Variants in KIF16B observed in about 807,000 individuals in gnomAD.
The protein encoded by KIF16B is kinesin family member 16B, also known as kinesin-like protein KIF16B.
Under a neutral mutation model 156.3 loss-of-function variants are expected in KIF16B, and 98 were observed. The observed-to-expected ratio is 0.63, with a 90% CI of 0.53 to 0.74. The LOEUF (loss-of-function observed/expected upper bound fraction) is 0.74, where lower values mean the gene tolerates loss of function less well. KIF16B is among the 30% of genes least tolerant of loss of function. KIF16B has a pLI of 0.00. For synonymous variants in KIF16B, 564 were observed against 583.7 expected (o/e 0.97, Z 0.49); for missense variants, 1,421 against 1,606.5 (o/e 0.88, Z 1.97).
At chr20:16,380,298 CT>C in intron 18 of KIF16B, 135 bp from the exon 19 acceptor site, 1 of 755,644 alleles carries the variant, frequency 1.3e-6, no homozygotes, top group Non-Finnish European at 1.9e-6. Context: ...AGAGTAACTG[CT>C]TTCCTTTAAA....
In KIF16B at chr20:16,379,675, A is replaced by C; in HGVS notation, c.2327T>G (p.Ile776Ser). ...EEQLREKQEM[I>S]QLLRRGEVQW... Reference sequence around the variant, plus strand: ...TACCTCCCCACGCCGCAGGAGCTGGATCATCTCCTGCTTCTCTCGGAGCTG... The same window carrying C: ...TACCTCCCCACGCCGCAGGAGCTGGCTCATCTCCTGCTTCTCTCGGAGCTG... The change falls in exon 19 of 26, where the codon ATC becomes AGC. Residue 776 changes from isoleucine (I) to serine (S), a missense_variant. By Grantham distance (142) the Ile-to-Ser change is moderately radical. Transcript: ENST00000354981. 6.2e-7 allele frequency: 1 copy of C among 1,614,030 alleles called. No individual in the cohort carries two copies. Among genetic ancestry groups the C allele is most frequent in the East Asian group, 2.2e-5 (1 of 44,854 alleles).
intron 12 of KIF16B, among the ~76,000 whole-genome samples, chr20:16,454,120 A>C (rs2067153682): frequency 6.6e-6 from 1 of 152,148 alleles, no homozygotes; most frequent in Non-Finnish European, 1.5e-5. Context: ...AAAAAGGAAA[A>C]TCTCTAAGAA....
intron 3 of KIF16B, among the ~76,000 whole-genome samples, chr20:16,519,187 A>G (rs1362234719): frequency 6.6e-6 from 1 of 152,172 alleles, no homozygotes; most frequent in Admixed American, 6.5e-5. Flanking sequence ...AGTTCAACCA[A>G]CATCAGTTTA....
At chr20:16,315,798 C>G (rs1183457563) in intron 24 of KIF16B, among the ~76,000 whole-genome samples, 1 of 152,062 alleles carries the variant, frequency 6.6e-6, no homozygotes, top group Non-Finnish European at 1.5e-5. Flanking sequence ...CAATAAAGTA[C>G]AGGTAGGATG....
intron 12 of KIF16B, among the ~76,000 whole-genome samples, chr20:16,453,545 A>T (rs148167836): frequency 6.6e-6 from 1 of 152,188 alleles, no homozygotes; most frequent in African/African-American, 2.4e-5. Flanking sequence ...CTGGAAAAAA[A>T]TATTTACAAT....
intron 23 of KIF16B, among the ~76,000 whole-genome samples, chr20:16,347,948 G>T (rs1300711924): frequency 6.6e-6 from 1 of 152,134 alleles, no homozygotes; most frequent in Non-Finnish European, 1.5e-5. Context: ...TCTTATTTCT[G>T]TTCTGCCAAA....
Position 16,379,254 on chromosome 20 carries a change from G to A in KIF16B, c.2748C>T (p.His916=), listed in dbSNP as rs757649299. 8.7e-6 allele frequency: 14 copies of A among 1,613,960 alleles called. No homozygotes were observed. The Admixed American group carries it at 2.3e-4, about 27-fold the overall frequency. ...ERQLQYLLQN[H]LPTLLEEKQR... The stretch of plus-strand genomic sequence containing the variant: ...GCTTTTCTTCCAACAGAGTTGGCAA[G>A]TGATTCTGCAGGAGGTACTGTAGCT... Residue 916 remains histidine (H), a synonymous_variant, in exon 19 of 26, where the codon CAC becomes CAT. Transcript: ENST00000354981.
chr20:16,393,070 A>T (rs1382022041), intron 17 of KIF16B, among the ~76,000 whole-genome samples: 1 of 152,240 alleles, frequency 6.6e-6, no homozygotes, highest in African/African-American at 2.4e-5. Flanking sequence ...AAATGTTTAA[A>T]AAAAGTAGAA....
Position 16,323,557 on chromosome 20 carries a change from C to T in KIF16B, c.3712-11139G>A, listed in dbSNP as rs6043889. On this transcript the variant is annotated intron_variant, in intron 24 of 25. Coordinates refer to ENST00000354981, the MANE Select transcript of KIF16B (RefSeq NM_024704.5). ...TCTTCCAAGTTTGATTTGTTAAAGG[C>T]ATAAAGCAGCAACTCTTCAGGACAA... is the stretch of plus-strand genomic sequence containing the variant. 4.3e-3 allele frequency among the ~76,000 whole-genome samples: 652 copies of T among 152,052 alleles called. 3 individuals are homozygous for T. The highest frequency in any genetic ancestry group is 0.015 in the African/African-American group (614 of 41,514).
chr20:16,278,367 G>T (rs1278173000), intron 25 of KIF16B, among the ~76,000 whole-genome samples: 3 of 152,164 alleles, frequency 2.0e-5, no homozygotes, highest in Admixed American at 6.5e-5. Context: ...AGAATAATAA[G>T]AAATATATCA....
chr20:16,369,416 T>C, intron 22 of KIF16B: 1 of 338,636 alleles, frequency 3.0e-6, no homozygotes, highest in Non-Finnish European at 4.2e-6. Flanking sequence ...TGATACATGA[T>C]TAAAGAATCG....
At chr20:16,309,659 A>G (rs908656906) in intron 25 of KIF16B, among the ~76,000 whole-genome samples, 1 of 152,216 alleles carries the variant, frequency 6.6e-6, no homozygotes, top group Non-Finnish European at 1.5e-5. Context: ...ACACAACTGA[A>G]TCCCTACTTA....
At chr20:16,363,580 TG>T (rs891849830) in intron 22 of KIF16B, among the ~76,000 whole-genome samples, 1 of 152,216 alleles carries the variant, frequency 6.6e-6, no homozygotes, top group African/African-American at 2.4e-5. Context: ...CCCCTTGATT[TG>T]GGGCTTGGTC....
Position 16,563,185 on chromosome 20 carries a change from C to T in KIF16B, c.47+10044G>A, listed in dbSNP as rs16997887. ...ATGGACAGAGCAAAAAACACAAATG[C>T]TCCGCCCAGGGATAATAGGAGTGAC... On this transcript the variant is annotated intron_variant, in intron 1 of 25. Coordinates refer to ENST00000354981, the MANE Select transcript of KIF16B (RefSeq NM_024704.5). Among the ~76,000 whole-genome samples, 1,340 of 152,252 alleles carry T rather than the reference C, an allele frequency of 8.8e-3. 33 individuals are homozygous for T. The highest frequency in any genetic ancestry group is 0.067 in the East Asian group (346 of 5,182).
chr20:16,454,353 A>G (rs994114591), intron 12 of KIF16B, among the ~76,000 whole-genome samples: 1 of 149,172 alleles, frequency 6.7e-6, no homozygotes, highest in African/African-American at 2.4e-5. Context: ...AAAATTTTAA[A>G]TTATATATAT....
intron 1 of KIF16B, among the ~76,000 whole-genome samples, chr20:16,535,085 G>A (rs1214873853): frequency 6.6e-6 from 1 of 152,056 alleles, no homozygotes; most frequent in Non-Finnish European, 1.5e-5. Context: ...ATTGCTTTGA[G>A]CAGTATGGTC....
At chr20:16,408,395 T>C (rs1031072623) in intron 15 of KIF16B, among the ~76,000 whole-genome samples, 2 of 152,086 alleles carry the variant, frequency 1.3e-5, no homozygotes, top group Admixed American at 1.3e-4. Flanking sequence ...ATTACCATGA[T>C]AAAAAAGGTG....
At chr20:16,496,956 C>T (rs12480660) in intron 11 of KIF16B, among the ~76,000 whole-genome samples, 18,111 of 152,094 alleles carry the variant, frequency 0.12, 1,382 homozygotes, top group Non-Finnish European at 0.18. Flanking sequence ...CATTCAGCAC[C>T]ATGAACAAAA....
intron 4 of KIF16B, among the ~76,000 whole-genome samples, chr20:16,513,566 A>G (rs1273230219): frequency 1.3e-5 from 2 of 150,644 alleles, no homozygotes; most frequent in Admixed American, 6.6e-5. Flanking sequence ...AGGCTGAGGC[A>G]GGAGAATCGC....
Sources: gnomAD v4.1 joint callset for allele counts (sites outside exome capture counted in the v4.1 genomes callset) on GRCh38, gnomAD v4.1.1 for gene constraint, MANE v1.5 for transcripts, NCBI Gene and HGNC (gene_info 2026-07-23, HGNC 2026-07-21) for gene names.